The following TBX15 variants were observed in gnomAD, a reference collection of about 807,000 sequenced individuals.
TBX15 encodes T-box transcription factor 15.
TBX15 carries 18 observed loss-of-function variants against 53.9 expected under a neutral mutation model. The ratio of observed to expected loss-of-function variants is 0.33; its 90% CI spans 0.23 to 0.49. TBX15 has a LOEUF of 0.49. Among genes scored for constraint, TBX15 ranks in the 20% least tolerant of loss-of-function variants. TBX15 has a pLI of 0.98. For synonymous variants in TBX15, 295 were observed against 278.0 expected (o/e 1.06, Z -0.61); for missense variants, 692 against 749.5 (o/e 0.92, Z 0.90).
In TBX15 at chr1:118,885,087, T is replaced by C. The variant is rs772995455; in HGVS notation, c.1454A>G (p.Asn485Ser). Residue 485 changes from asparagine to serine, a missense_variant, in exon 8 of 8, where the codon AAT becomes AGT. Asn to Ser is a conservative substitution (Grantham distance 46, BLOSUM62 1). Transcript: ENST00000369429. ...SQFQYVMQAG[N>S]AASSSSSPHM... ...TGGTGATGAGGAGCTGGAGGCAGCA[T>C]TGCCTGCCTGCATGACATACTGAAA... 4 of 1,614,134 alleles carry C rather than the reference T, an allele frequency of 2.5e-6. No individual in the cohort carries two copies. Among genetic ancestry groups the C allele is most frequent in the Non-Finnish European group, 3.4e-6 (4 of 1,180,028 alleles).
chr1:118,933,526 CCTAGGA>C (rs1655871833), intron 1 of TBX15, among the ~76,000 whole-genome samples: 1 of 149,284 alleles, frequency 6.7e-6, no homozygotes, highest in Admixed American at 6.7e-5. Flanking sequence ...TAATTTTATA[CCTAGGA>C]CTAAGTAGCA....
intron 6 of TBX15, among the ~76,000 whole-genome samples, chr1:118,900,497 A>C (rs114168436): frequency 1.3e-5 from 2 of 152,224 alleles, no homozygotes; most frequent in African/African-American, 4.8e-5. Context: ...CTCTCTGAAC[A>C]GGCCTCACTT....
At position 118,884,876 on chromosome 1, in the gene TBX15, CCT is replaced by C. The variant is rs1372741657; in HGVS notation, c.1663_1664del (p.Arg555AlafsTer15). 3 of 1,614,184 alleles carry C rather than the reference CCT, an allele frequency of 1.9e-6. No homozygotes were observed. Among genetic ancestry groups the C allele is most frequent in the East Asian group, 4.5e-5 (2 of 44,878 alleles). On this transcript the variant is annotated frameshift_variant, in exon 8 of 8. Coordinates refer to ENST00000369429, the MANE Select transcript of TBX15 (RefSeq NM_001330677.2). LOFTEE classifies it high-confidence loss of function. ...GCTCCATCCCTGACGGCAGGTACTG[CCT>C]CTCTCCAAAGGCCCCGTTGGAAGGA... ...SSPSNGAFGE[R>X]QYLPSGMEHS...
intron 1 of TBX15, among the ~76,000 whole-genome samples, chr1:118,965,869 G>A (rs1657020320): frequency 6.6e-6 from 1 of 152,080 alleles, no homozygotes; most frequent in South Asian, 2.1e-4. Context: ...TTAAAGGTTT[G>A]TATATATACA....
intron 1 of TBX15, among the ~76,000 whole-genome samples, chr1:118,962,955 G>A (rs900531270): frequency 3.4e-4 from 51 of 152,160 alleles, no homozygotes; most frequent in African/African-American, 1.1e-3. Flanking sequence ...TTCTAGAAAA[G>A]GGAAGAATGA....
intron 1 of TBX15, among the ~76,000 whole-genome samples, chr1:118,983,776 C>A (rs2101057704): frequency 6.6e-6 from 1 of 152,318 alleles, no homozygotes; most frequent in East Asian, 1.9e-4. Flanking sequence ...GACCCTCCGG[C>A]ATCTCACTCT....
chr1:118,931,716 A>T lies in TBX15; in HGVS notation c.322T>A (p.Ser108Thr). Residue 108 changes from serine to threonine, a missense_variant, in exon 2 of 8, where the codon TCT becomes ACT. Around this residue, in one of 3 missense-constraint regions of TBX15, gnomAD observed 307 missense variants for 347.5 expected, o/e 0.88. Coordinates refer to ENST00000369429, the MANE Select transcript of TBX15 (RefSeq NM_001330677.2). ...TCCACCTGAATCTCCTCCATGGAAG[A>T]CATGGCAGCAGGCACAGGGCCTGCA... is the stretch of plus-strand genomic sequence containing the variant. The part of the protein sequence containing the change: ...GAAGPVPAAM[S>T]SMEEIQVELQ... 1 of 1,614,084 alleles carries T rather than the reference A, an allele frequency of 6.2e-7. No individual in the cohort carries two copies.
At chr1:118,946,167 T>C (rs971016759) in intron 1 of TBX15, among the ~76,000 whole-genome samples, 9 of 152,142 alleles carry the variant, frequency 5.9e-5, no homozygotes, top group African/African-American at 2.2e-4. Flanking sequence ...GGCTAGGAAA[T>C]TTCATAGATA....
chr1:118,908,304 T>C (rs1247655338), intron 6 of TBX15, among the ~76,000 whole-genome samples: 1 of 149,282 alleles, frequency 6.7e-6, no homozygotes, highest in Non-Finnish European at 1.5e-5. Context: ...AAACCTGCAA[T>C]AGGTACAGTC....
At chr1:118,988,981 A>G (rs935361196), upstream of TBX15, among the ~76,000 whole-genome samples, 16 of 152,182 alleles carry the variant, frequency 1.1e-4, no homozygotes, top group African/African-American at 3.9e-4. Flanking sequence ...GCGCCTTGAG[A>G]GCAAGGGGCG....
At chr1:118,985,161 AT>A (rs1657787679) in intron 1 of TBX15, among the ~76,000 whole-genome samples, 2 of 151,744 alleles carry the variant, frequency 1.3e-5, no homozygotes, top group Middle Eastern at 3.4e-3. Context: ...TTTTTTTCCT[AT>A]TCCCGGTTTG....
intron 7 of TBX15, among the ~76,000 whole-genome samples, chr1:118,889,824 G>A (rs1281197688): frequency 1.3e-5 from 2 of 151,894 alleles, no homozygotes; most frequent in Non-Finnish European, 2.9e-5. Flanking sequence ...ATTTAGTAGA[G>A]ATAGGGTCTC....
chr1:118,984,350 G>T (rs1424768229), intron 1 of TBX15, among the ~76,000 whole-genome samples: 1 of 152,246 alleles, frequency 6.6e-6, no homozygotes, highest in Non-Finnish European at 1.5e-5. Context: ...TCCACAGAAG[G>T]TTTACATTAT....
chr1:118,945,719 CT>C (rs1254650992), intron 1 of TBX15, among the ~76,000 whole-genome samples: 3 of 152,178 alleles, frequency 2.0e-5, no homozygotes, highest in African/African-American at 4.8e-5. Flanking sequence ...TAATCATCAC[CT>C]CTCTTTGTTC....
At chr1:118,932,600 T>G (rs1056541633) in intron 1 of TBX15, among the ~76,000 whole-genome samples, 2 of 152,092 alleles carry the variant, frequency 1.3e-5, no homozygotes, top group African/African-American at 4.8e-5. Context: ...GGAGGGGTGA[T>G]CCAAACAGGA....
At chr1:118,898,182 T>G (rs949394099) in intron 7 of TBX15, among the ~76,000 whole-genome samples, 2 of 152,216 alleles carry the variant, frequency 1.3e-5, no homozygotes, top group South Asian at 4.1e-4. Flanking sequence ...GATAAGAGCC[T>G]AGCCTAGACC....
chr1:118,952,932 C>T (rs1166742106), intron 1 of TBX15, among the ~76,000 whole-genome samples: 1 of 152,106 alleles, frequency 6.6e-6, no homozygotes, highest in East Asian at 1.9e-4. Flanking sequence ...AATGGTGCAT[C>T]TCATATTTAG....
chr1:118,909,652 G>A (rs138297113), intron 6 of TBX15, among the ~76,000 whole-genome samples: 2,163 of 152,184 alleles, frequency 0.014, 46 homozygotes, highest in African/African-American at 0.05. Flanking sequence ...GCATGATTTC[G>A]GCTCACTGCA....
At position 118,883,095 on chromosome 1, in the gene TBX15, AAC is replaced by A. The variant is rs1322967992; in HGVS notation, c.*1635_*1636del. ...CGGCTTTCTGTGCTTGGCACTTAGA[AAC>A]AGAGTTCCGTGCATAAGGGCAAATT... On this transcript the variant is annotated 3_prime_UTR_variant, in exon 8 of 8. Coordinates refer to ENST00000369429, the MANE Select transcript of TBX15 (RefSeq NM_001330677.2). The A allele has an allele frequency of 1.3e-5, 2 of 152,776 alleles. No homozygotes were observed. The highest frequency in any genetic ancestry group is 1.9e-4 in the East Asian group (1 of 5,188). The allele number at this position is 152,776 out of a possible 1,614,324, so 9.5% of individuals were successfully genotyped here.
Sources: gnomAD v4.1 joint callset for allele counts (sites outside exome capture counted in the v4.1 genomes callset) on GRCh38, gnomAD v4.1.1 for gene constraint, gnomAD v4.1.1 regional missense constraint, MANE v1.5 for transcripts, NCBI Gene and HGNC (gene_info 2026-07-23, HGNC 2026-07-21) for gene names.